Variants in LRRC9 observed in about 807,000 individuals in gnomAD.
LRRC9 encodes leucine-rich repeat-containing protein 9.
In LRRC9, 122 loss-of-function variants were observed where a neutral mutation model predicts 63.2. The ratio of observed to expected loss-of-function variants is 1.93; its 90% confidence interval spans 1.67 to 2.24. The LOEUF (loss-of-function observed/expected upper bound fraction) is 2.24. LRRC9 is among the 30% of genes most tolerant of loss of function. LRRC9 has a pLI of 0.00. For missense variants in LRRC9, 1,071 were observed against 627.7 expected, an observed-to-expected ratio of 1.71 and a Z score of -7.55; for synonymous variants, 366 against 213.1, an observed-to-expected ratio of 1.72 and a Z score of -6.25.
intron 13 of LRRC9, among the ~76,000 whole-genome samples, chr14:59,975,116 T>TATATATATATATATATATAC (rs1566833605): frequency 1.7e-3 from 31 of 17,940 alleles, no homozygotes; most frequent in African/African-American, 2.5e-3. Flanking sequence ...TATATATGTA[T>TATATATATATATATATATAC]ATATATATAT....
chr14:60,041,610 TC>T (rs1199172472), intron 29 of LRRC9, among the ~76,000 whole-genome samples: 1 of 152,208 alleles, frequency 6.6e-6, no homozygotes, highest in African/African-American at 2.4e-5. Flanking sequence ...TTTAAGGACT[TC>T]TCTATACTTT....
chr14:60,027,353 T>C lies in LRRC9; in HGVS notation c.3704-531T>C, dbSNP rs1891636821. On this transcript the variant is annotated intron_variant, in intron 27 of 31. Coordinates refer to ENST00000445360, the Ensembl canonical transcript of LRRC9. The surrounding 1 kb of genome is among the most constrained non-coding windows in gnomAD (Gnocchi z 4.0). ...AGCTACAATAGAGAGAAATCATAGG[T>C]TTATAAATAAGGTTTAGAGTTTTGA... is the stretch of plus-strand genomic sequence containing the variant. 6.6e-6 allele frequency among the ~76,000 whole-genome samples: 1 copy of C among 152,050 alleles called. No individual in the cohort carries two copies. The highest frequency in any genetic ancestry group is 1.5e-5 in the Non-Finnish European group (1 of 67,976).
chr14:60,008,360 T>C, intron 23 of LRRC9, 146 bp downstream of exon 23: 1 of 495,268 alleles, frequency 2.0e-6, no homozygotes, highest in Non-Finnish European at 3.6e-6. Flanking sequence ...AAGCTTATTT[T>C]AGATCTGGGT....
intron 19 of LRRC9, among the ~76,000 whole-genome samples, chr14:60,000,674 G>T (rs1889275475): frequency 1.3e-5 from 2 of 151,936 alleles, no homozygotes; most frequent in African/African-American, 4.8e-5. Flanking sequence ...TTTTTTTGAA[G>T]AAAATATGAA....
chr14:60,050,676 T>A (rs1335112636), intron 29 of LRRC9, among the ~76,000 whole-genome samples: 1 of 152,152 alleles, frequency 6.6e-6, no homozygotes, highest in East Asian at 1.9e-4. Context: ...TTTCAATGTT[T>A]TTGCATTGAT....
In LRRC9 at chr14:59,977,217, A is replaced by T; in HGVS notation, c.1640-8A>T. On this transcript the variant is annotated splice_region_variant and splice_polypyrimidine_tract_variant and intron_variant, in intron 13 of 31. Coordinates refer to ENST00000445360, the Ensembl canonical transcript of LRRC9. ...TCTTAAGAATTACTTCTGTTTTTTTATATTTAGGCATCCTCCTCATTACAA... is the reference window on the plus strand; with the variant it reads ...TCTTAAGAATTACTTCTGTTTTTTTTTATTTAGGCATCCTCCTCATTACAA... The T allele has an allele frequency of 1.5e-6, 1 of 662,780 alleles. No homozygotes were observed. The highest frequency in any genetic ancestry group is 2.7e-5 in the Admixed American group (1 of 36,786). The allele number at this position is 662,780 out of a possible 1,614,324, so 41.1% of individuals were successfully genotyped here. A position where few individuals can be genotyped will look rare whatever the true frequency, so the allele number is the denominator to read the frequency against.
In LRRC9 at chr14:60,047,345, G is replaced by A. The variant is rs189021721; in HGVS notation, c.3991-5720G>A. Among the ~76,000 whole-genome samples the A allele has an allele frequency of 1.6e-3, 249 of 152,116 alleles. 1 individual carries two copies. Among genetic ancestry groups the A allele is most frequent in the Middle Eastern group, 6.8e-3 (2 of 294 alleles). ...AAGGAGGATAGAGACATGACAACTT[G>A]TCTTATGCCAGTTTTCAAGGGAAAT... On this transcript the variant is annotated intron_variant, in intron 29 of 31. Coordinates refer to ENST00000445360, the Ensembl canonical transcript of LRRC9.
chr14:60,043,435 C>A (rs1177249266), intron 29 of LRRC9, among the ~76,000 whole-genome samples: 2 of 152,138 alleles, frequency 1.3e-5, no homozygotes, highest in African/African-American at 4.8e-5. Context: ...ATAGGTTTGT[C>A]ACAGTTGGCC....
chr14:59,981,881 A>C lies in LRRC9; in HGVS notation c.1912A>C (p.Asn638His), dbSNP rs142277567. The change falls in exon 16 of 32, where the codon AAT (asparagine) becomes CAT (histidine). Residue 638 changes from asparagine to histidine, a missense_variant. Transcript: ENST00000445360. Reference sequence around the variant, plus strand: ...ACCCTCTTTATTTTCTGTATTCAACAATGTTATTCTAGAAGAAAGCAAAAA... The same window carrying C: ...ACCCTCTTTATTTTCTGTATTCAACCATGTTATTCTAGAAGAAAGCAAAAA... 795 of 701,238 alleles carry C rather than the reference A, an allele frequency of 1.1e-3. 9 individuals carry two copies. The African/African-American group carries it at 0.012, about 11-fold the overall frequency. The allele number at this position is 701,238 out of a possible 1,614,324, so 43.4% of individuals were successfully genotyped here.
chr14:60,043,451 T>C (rs1397347499), intron 29 of LRRC9, among the ~76,000 whole-genome samples: 1 of 152,228 alleles, frequency 6.6e-6, no homozygotes, highest in Non-Finnish European at 1.5e-5. Flanking sequence ...TGGCCTTTAT[T>C]ATCTTGAGGT....
chr14:60,015,210 C>G (rs1383147571), intron 23 of LRRC9, among the ~76,000 whole-genome samples: 1 of 151,842 alleles, frequency 6.6e-6, no homozygotes, highest in Non-Finnish European at 1.5e-5. Context: ...TCAAGTATGT[C>G]CATAATTGCT....
intron 12 of LRRC9, among the ~76,000 whole-genome samples, chr14:59,972,215 T>G (rs1035677789): frequency 1.3e-5 from 2 of 152,164 alleles, no homozygotes; most frequent in South Asian, 4.1e-4. Context: ...AAGTCCCAAC[T>G]CAAGGGTTTC....
At chr14:60,038,266 T>C (rs1307496856) in intron 29 of LRRC9, among the ~76,000 whole-genome samples, 3 of 152,218 alleles carry the variant, frequency 2.0e-5, no homozygotes, top group Non-Finnish European at 4.4e-5. Context: ...TTTGGTTCCA[T>C]ATGAACTTTA....
At chr14:59,983,872 G>A (rs1008606849) in intron 16 of LRRC9, among the ~76,000 whole-genome samples, 21 of 152,160 alleles carry the variant, frequency 1.4e-4, no homozygotes, top group African/African-American at 5.1e-4. Flanking sequence ...AAATCAGACT[G>A]GTGGTATGGA....
chr14:60,059,769 A>G (rs1341768481), intron 31 of LRRC9, among the ~76,000 whole-genome samples: 4 of 152,242 alleles, frequency 2.6e-5, no homozygotes, highest in Non-Finnish European at 5.9e-5. Context: ...TAAGGAAAGA[A>G]TCACGAACTA....
In LRRC9 at chr14:59,975,113, GTATA is replaced by G. The variant is rs749565284; in HGVS notation, c.1639+415_1639+418del. Among the ~76,000 whole-genome samples, 3 of 13,534 alleles carry G rather than the reference GTATA, an allele frequency of 2.2e-4. 1 individual carries two copies. Among genetic ancestry groups the G allele is most frequent in the African/African-American group, 3.6e-4 (3 of 8,374 alleles). 8.9% of individuals were successfully genotyped at this position (13,534 alleles called of 152,430 possible). A position where few individuals can be genotyped will look rare whatever the true frequency, so the allele number is the denominator to read the frequency against. The stretch of plus-strand genomic sequence containing the variant: ...TGTATATATATATACATATATATAT[GTATA>G]TATATATATGTATATATATATACAT... On this transcript the variant is annotated intron_variant, in intron 13 of 31. Transcript: ENST00000445360.
chr14:59,989,530 G>A (rs950094559), intron 17 of LRRC9, among the ~76,000 whole-genome samples: 15 of 151,434 alleles, frequency 9.9e-5, no homozygotes, highest in Admixed American at 2.0e-4. Flanking sequence ...CACTTTTTTC[G>A]TTTTTGTAAT....
rs1893076733 is a variant in LRRC9 at position 60,042,851 on chromosome 14, G to A, written c.3991-10214G>A. 6.6e-6 allele frequency among the ~76,000 whole-genome samples: 1 copy of A among 152,178 alleles called. No homozygotes were observed. The highest frequency in any genetic ancestry group is 6.5e-5 in the Admixed American group (1 of 15,282). On this transcript the variant is annotated intron_variant, in intron 29 of 31. Coordinates refer to ENST00000445360, the Ensembl canonical transcript of LRRC9. The surrounding 1 kb of genome is among the most constrained non-coding windows in gnomAD (Gnocchi z 4.2). ...CTCACACTGGGAGCTGTAGACTGGA[G>A]CTGTTCCTATTAGGCCATCTTGGAA...
chr14:59,970,798 T>C (rs1278343492), intron 12 of LRRC9, among the ~76,000 whole-genome samples: 1 of 152,142 alleles, frequency 6.6e-6, no homozygotes, highest in Non-Finnish European at 1.5e-5. Flanking sequence ...TGTAAATGTG[T>C]TTAATTTCCT....
Sources: gnomAD v4.1 joint callset for allele counts (sites outside exome capture counted in the v4.1 genomes callset) on GRCh38, gnomAD v4.1.1 for gene constraint, Gnocchi (gnomAD v3.1) non-coding constraint, MANE v1.5 for transcripts, NCBI Gene and HGNC (gene_info 2026-07-23, HGNC 2026-07-21) for gene names.